The following GALNTL6 variants were observed in gnomAD, a reference collection of about 807,000 sequenced individuals.
GALNTL6 encodes the protein polypeptide N-acetylgalactosaminyltransferase like 6.
In GALNTL6, 46 loss-of-function variants were observed where a neutral mutation model predicts 73.7. The observed-to-expected ratio is 0.62, with a 90% CI of 0.49 to 0.80. GALNTL6 has a LOEUF of 0.80. Among genes scored for constraint, GALNTL6 ranks in the 30% least tolerant of loss-of-function variants. GALNTL6 has a pLI of 0.00. For missense variants in GALNTL6, 604 were observed against 755.0 expected, an observed-to-expected ratio of 0.80 and a Z score of 2.34; for synonymous variants, 259 against 263.7, an observed-to-expected ratio of 0.98 and a Z score of 0.17.
intron 8 of GALNTL6, among the ~76,000 whole-genome samples, chr4:172,898,154 A>C (rs1310039477): frequency 5.9e-5 from 9 of 152,140 alleles, no homozygotes; most frequent in Non-Finnish European, 4.4e-5. Flanking sequence ...TTGCAATAAC[A>C]GAAGAGGAAA....
chr4:172,156,117 GT>G (rs33979208), intron 2 of GALNTL6, among the ~76,000 whole-genome samples: 67,375 of 151,780 alleles, frequency 0.44, 15,607 homozygotes, highest in African/African-American at 0.56. Flanking sequence ...TCAGCGTCAA[GT>G]GAGGACGGGG....
chr4:172,030,883 A>G (rs765020422), intron 2 of GALNTL6, among the ~76,000 whole-genome samples: 1 of 152,048 alleles, frequency 6.6e-6, no homozygotes, highest in African/African-American at 2.4e-5. Context: ...ATAGTTTACT[A>G]TAGCATTATG....
chr4:172,989,008 G>C (rs1751423442), intron 10 of GALNTL6, among the ~76,000 whole-genome samples: 1 of 152,222 alleles, frequency 6.6e-6, no homozygotes, highest in Non-Finnish European at 1.5e-5. Flanking sequence ...GAGGGGAAAT[G>C]TGGTGGCAGG....
intron 3 of GALNTL6, among the ~76,000 whole-genome samples, chr4:172,295,106 T>C (rs1158247387): frequency 6.6e-6 from 1 of 152,182 alleles, no homozygotes; most frequent in Admixed American, 6.6e-5. Context: ...CTCCAGGTAC[T>C]AGGCATATTA....
intron 11 of GALNTL6, among the ~76,000 whole-genome samples, chr4:173,010,815 C>T (rs564184176): frequency 1.0e-4 from 15 of 149,948 alleles, no homozygotes; most frequent in Admixed American, 2.7e-4. Flanking sequence ...CCATGTTGGC[C>T]AGAATGGTCT....
intron 10 of GALNTL6, among the ~76,000 whole-genome samples, chr4:173,007,914 G>C (rs1752373114): frequency 6.6e-6 from 1 of 152,038 alleles, no homozygotes; most frequent in Admixed American, 6.6e-5. Flanking sequence ...CCACCTCTAA[G>C]TATTGAGTTC....
rs540863846 is a variant in GALNTL6 at position 172,380,235 on chromosome 4, T to C, written c.553+31546T>C. The C allele has an allele frequency of 4.3e-6, 4 of 919,712 alleles. No homozygotes were observed. In the East Asian group the frequency reaches 9.7e-5, roughly 22 times the overall value. 57.0% of individuals were successfully genotyped at this position (919,712 alleles called of 1,614,324 possible). On this transcript the variant is annotated intron_variant, in intron 5 of 12. Transcript: ENST00000506823. Reference sequence around the variant, plus strand: ...CCTTTCAAAATATCTTAACGTATTCTCCCCAACTTGTCTACATTAGGATGA... The same window carrying C: ...CCTTTCAAAATATCTTAACGTATTCCCCCCAACTTGTCTACATTAGGATGA...
intron 5 of GALNTL6, among the ~76,000 whole-genome samples, chr4:172,503,531 T>C (rs1352228173): frequency 1.1e-5 from 1 of 87,558 alleles, no homozygotes; most frequent in African/African-American, 3.0e-5. Flanking sequence ...GAGTAGTATA[T>C]ATATATATAT....
intron 2 of GALNTL6, among the ~76,000 whole-genome samples, chr4:172,194,314 G>T (rs1007911610): frequency 6.6e-6 from 1 of 152,158 alleles, no homozygotes; most frequent in African/African-American, 2.4e-5. Flanking sequence ...TAAAAAGACT[G>T]AACCAACAAC....
chr4:172,354,737 G>A (rs1742092290), intron 5 of GALNTL6, among the ~76,000 whole-genome samples: 1 of 152,120 alleles, frequency 6.6e-6, no homozygotes, highest in East Asian at 1.9e-4. Flanking sequence ...TGTCTCAGAA[G>A]AAAAGCACTT....
chr4:172,672,566 T>G (rs539604576), intron 5 of GALNTL6, among the ~76,000 whole-genome samples: 7 of 152,350 alleles, frequency 4.6e-5, no homozygotes, highest in African/African-American at 1.7e-4. Flanking sequence ...CCTCAATTTT[T>G]TGGAATGGTT....
intron 5 of GALNTL6, among the ~76,000 whole-genome samples, chr4:172,443,560 AC>A (rs1174915687): frequency 6.6e-6 from 1 of 152,122 alleles, no homozygotes; most frequent in Non-Finnish European, 1.5e-5. Flanking sequence ...TCATTACAAT[AC>A]CCTAATAAAG....
intron 11 of GALNTL6, among the ~76,000 whole-genome samples, chr4:173,010,849 C>T (rs1752521032): frequency 6.6e-6 from 1 of 151,780 alleles, no homozygotes; most frequent in South Asian, 2.1e-4. Flanking sequence ...TCATGATCTG[C>T]CCACCTTGGC....
In GALNTL6 at chr4:172,463,913, C is replaced by T. The variant is rs192266123; in HGVS notation, c.553+115224C>T. Among the ~76,000 whole-genome samples the T allele has an allele frequency of 1.5e-3, 232 of 152,198 alleles. 1 individual carries two copies. Among genetic ancestry groups the T allele is most frequent in the Admixed American group, 2.8e-3 (43 of 15,296 alleles). ...AGTTTTCAACCATTGTCTGTTTGCC[C>T]GTATAGCTAACACTTATGAATAATA... On this transcript the variant is annotated intron_variant, in intron 5 of 12. Transcript: ENST00000506823.
At chr4:172,202,361 G>A (rs1735981828) in intron 2 of GALNTL6, among the ~76,000 whole-genome samples, 1 of 152,012 alleles carries the variant, frequency 6.6e-6, no homozygotes, top group Non-Finnish European at 1.5e-5. Context: ...TTTGTATTGG[G>A]TAAGTAAATA....
intron 2 of GALNTL6, among the ~76,000 whole-genome samples, chr4:171,856,234 C>G (rs926241702): frequency 1.3e-5 from 2 of 151,522 alleles, no homozygotes; most frequent in Non-Finnish European, 2.9e-5. Context: ...TCCTGAATAG[C>G]TGGGGTTACA....
chr4:171,981,591 T>C (rs868742989), intron 2 of GALNTL6, among the ~76,000 whole-genome samples: 1 of 152,078 alleles, frequency 6.6e-6, no homozygotes, highest in Non-Finnish European at 1.5e-5. Flanking sequence ...GATTTGGGGG[T>C]CTGAGTTTTT....
chr4:172,644,006 C>T (rs779315643), intron 5 of GALNTL6, among the ~76,000 whole-genome samples: 1 of 151,838 alleles, frequency 6.6e-6, no homozygotes, highest in Non-Finnish European at 1.5e-5. Context: ...TATATTCCTA[C>T]CTTCAATATA....
chr4:172,217,985 T>C (rs905942077), intron 2 of GALNTL6, among the ~76,000 whole-genome samples: 1 of 152,132 alleles, frequency 6.6e-6, no homozygotes, highest in African/African-American at 2.4e-5. Flanking sequence ...CCTCTTTATA[T>C]AGAGGCTATG....
Sources: allele counts gnomAD v4.1 joint callset (sites outside exome capture counted in the v4.1 genomes callset), GRCh38; gene constraint gnomAD v4.1.1; transcripts MANE v1.5; gene names NCBI Gene and HGNC (gene_info 2026-07-23, HGNC 2026-07-21).